The following HDAC4 variants were observed in gnomAD, a reference collection of about 807,000 sequenced individuals.
HDAC4 encodes the protein histone deacetylase 4.
In HDAC4, 16 loss-of-function variants were observed where a neutral mutation model predicts 135.1. The ratio of observed to expected loss-of-function variants is 0.12; its 90% confidence interval spans 0.08 to 0.18. The LOEUF is 0.18. Among genes scored for constraint, HDAC4 ranks in the 10% least tolerant of loss-of-function variants. The probability of loss-of-function intolerance (pLI) is 1.00; values close to 1 mark genes in which losing one functional copy is unlikely to be tolerated. For synonymous variants in HDAC4, 685 were observed against 653.4 expected (o/e 1.05, Z -0.74); for missense variants, 1,143 against 1,511.8 (o/e 0.76, Z 4.05).
intron 8 of HDAC4, chr2:239,140,744 G>A (rs2041306410): frequency 7.0e-6 from 2 of 285,976 alleles, no homozygotes; most frequent in Non-Finnish European, 1.5e-5. Context: ...GCCCTGGAGG[G>A]GAGGTTAAGG....
intron 2 of HDAC4, among the ~76,000 whole-genome samples, chr2:239,256,934 G>A (rs528820373): frequency 5.3e-5 from 8 of 152,312 alleles, no homozygotes; most frequent in East Asian, 1.9e-4. Context: ...AAGAATCCAC[G>A]TGGGATAGCC....
chr2:239,203,994 G>A (rs1486559389), intron 3 of HDAC4, among the ~76,000 whole-genome samples: 3 of 152,164 alleles, frequency 2.0e-5, no homozygotes, highest in Admixed American at 6.5e-5. Context: ...TAGGAGTCCG[G>A]GTCCAATGCA....
intron 3 of HDAC4, among the ~76,000 whole-genome samples, chr2:239,225,117 A>AT (rs2047168181): frequency 6.6e-6 from 1 of 152,212 alleles, no homozygotes; most frequent in South Asian, 2.1e-4. Flanking sequence ...TAAATATTTC[A>AT]TTTTTTCAAA....
chr2:239,373,848 C>G (rs1249027448), intron 1 of HDAC4, among the ~76,000 whole-genome samples: 2 of 152,178 alleles, frequency 1.3e-5, no homozygotes, highest in African/African-American at 4.8e-5. Flanking sequence ...TCTAGAGATC[C>G]GGGGTCAATG....
chr2:239,236,715 A>G, intron 2 of HDAC4, 51 bp from the exon 3 acceptor site: 4 of 1,364,654 alleles, frequency 2.9e-6, no homozygotes, highest in Non-Finnish European at 4.1e-6. Flanking sequence ...ATTTCAGCCA[A>G]CATACTTTAT....
chr2:239,307,596 AG>A lies in HDAC4; in HGVS notation c.22+45081del, dbSNP rs2052665799. 1.3e-5 allele frequency among the ~76,000 whole-genome samples: 2 copies of A among 152,174 alleles called. No individual in the cohort carries two copies. Among genetic ancestry groups the A allele is most frequent in the African/African-American group, 2.4e-5 (1 of 41,440 alleles). ...GCTTCCTGGACCTCGCAGACTCACCAGGGACCCTAAACTTGGTTTTCCAAAT... is the reference window on the plus strand; with the variant it reads ...GCTTCCTGGACCTCGCAGACTCACCAGGACCCTAAACTTGGTTTTCCAAAT... On this transcript the variant is annotated intron_variant, in intron 2 of 26. Coordinates refer to ENST00000543185, the MANE Select transcript of HDAC4 (RefSeq NM_001378414.1). The surrounding 1 kb of genome is among the most constrained non-coding windows in gnomAD (Gnocchi z 4.8).
Position 239,141,067 on chromosome 2 carries a change from A to C in HDAC4, c.866-1271T>G. 3.6e-6 allele frequency: 1 copy of C among 277,100 alleles called. No individual in the cohort carries two copies. Among genetic ancestry groups the C allele is most frequent in the Non-Finnish European group, 8.0e-6 (1 of 125,098 alleles). The allele number at this position is 277,100 out of a possible 1,614,324, so 17.2% of individuals were successfully genotyped here. ...ACTGTTTGAGGAAGGTGCCATTATG[A>C]CCCCGTTTCCCAGAAGAGGAGATGG... On this transcript the variant is annotated intron_variant, in intron 8 of 26. Transcript: ENST00000543185. The surrounding 1 kb of genome is among the most constrained non-coding windows in gnomAD (Gnocchi z 4.9).
At chr2:239,397,776 ATGAGT>A (rs145390241) in intron 1 of HDAC4, among the ~76,000 whole-genome samples, 113 of 152,322 alleles carry the variant, frequency 7.4e-4, no homozygotes, top group African/African-American at 2.7e-3. Context: ...ACGCTTATGA[ATGAGT>A]TAAGGTCTGT....
chr2:239,120,395 G>GCACACAGACACA (rs1553622834), intron 12 of HDAC4, among the ~76,000 whole-genome samples: 2 of 145,198 alleles, frequency 1.4e-5, no homozygotes, highest in Non-Finnish European at 3.0e-5. Context: ...ACACACAGAC[G>GCACACAGACACA]CACACAGACA....
intron 2 of HDAC4, among the ~76,000 whole-genome samples, chr2:239,317,605 G>A (rs183118970): frequency 6.6e-6 from 1 of 152,164 alleles, no homozygotes; most frequent in African/African-American, 2.4e-5. Flanking sequence ...ATAATAAAAG[G>A]TTATAACCCA....
intron 1 of HDAC4, among the ~76,000 whole-genome samples, chr2:239,388,789 C>T (rs1418423420): frequency 1.3e-5 from 2 of 152,236 alleles, no homozygotes; most frequent in Admixed American, 6.5e-5. Flanking sequence ...CAGTCATCAG[C>T]GGAGGGAGTG....
In HDAC4 at chr2:239,349,631, A is replaced by G. The variant is rs1692976401; in HGVS notation, c.22+3047T>C. ...GGGCAAGCCCCATCCCCCGCCTGAG[A>G]CGTGGGCAGAGGCCGCTGGGCCACC... On this transcript the variant is annotated intron_variant, in intron 2 of 26. Coordinates refer to ENST00000543185, the MANE Select transcript of HDAC4 (RefSeq NM_001378414.1). The surrounding 1 kb of genome is among the most constrained non-coding windows in gnomAD (Gnocchi z 5.7). Among the ~76,000 whole-genome samples, 1 of 152,198 alleles carries G rather than the reference A, an allele frequency of 6.6e-6. No homozygotes were observed. Among genetic ancestry groups the G allele is most frequent in the African/African-American group, 2.4e-5 (1 of 41,456 alleles).
intron 3 of HDAC4, among the ~76,000 whole-genome samples, chr2:239,200,254 T>G (rs1239976886): frequency 6.6e-6 from 1 of 152,196 alleles, no homozygotes; most frequent in Admixed American, 6.5e-5. Flanking sequence ...GCGCTGAAGC[T>G]GACATTCAAA....
At chr2:239,148,212 C>T (rs1222488805) in intron 7 of HDAC4, among the ~76,000 whole-genome samples, 1 of 151,964 alleles carries the variant, frequency 6.6e-6, no homozygotes, top group Non-Finnish European at 1.5e-5. Context: ...AAAGTGACAC[C>T]AAAGGAAATA....
intron 24 of HDAC4, among the ~76,000 whole-genome samples, chr2:239,063,109 C>CGGGGTCACGCACCCA (rs2032998702): frequency 6.6e-6 from 1 of 152,182 alleles, no homozygotes; most frequent in Admixed American, 6.5e-5. Flanking sequence ...TCTGCTGTCC[C>CGGGGTCACGCACCCA]GGGGTCACGC....
intron 2 of HDAC4, among the ~76,000 whole-genome samples, chr2:239,325,541 T>G (rs2053444065): frequency 6.6e-6 from 1 of 152,224 alleles, no homozygotes; most frequent in Admixed American, 6.5e-5. Flanking sequence ...CTCACTAGGA[T>G]GACTATTATT....
At chr2:239,360,247 G>C (rs573114156) in intron 1 of HDAC4, among the ~76,000 whole-genome samples, 1 of 152,140 alleles carries the variant, frequency 6.6e-6, no homozygotes, top group Non-Finnish European at 1.5e-5. Flanking sequence ...GTCATTCCTC[G>C]AAGGAAAACT....
At chr2:239,310,894 T>C (rs2052843876) in intron 2 of HDAC4, among the ~76,000 whole-genome samples, 1 of 152,178 alleles carries the variant, frequency 6.6e-6, no homozygotes, top group Non-Finnish European at 1.5e-5. Context: ...GTTAGCCACG[T>C]CCAACACCAC....
rs758378464 is a variant in HDAC4 at position 239,134,516 on chromosome 2, G to C, written c.1095+11C>G. On this transcript the variant is annotated intron_variant, in intron 10 of 26. Transcript: ENST00000543185. Reference sequence around the variant, plus strand: ...ACCCCACACCACACGGACCCACGGGGGCTGACTTACCGCAGAGGGGCCGGT... The same window carrying C: ...ACCCCACACCACACGGACCCACGGGCGCTGACTTACCGCAGAGGGGCCGGT... The C allele has an allele frequency of 3.3e-5, 54 of 1,613,640 alleles. No homozygotes were observed. The highest frequency in any genetic ancestry group is 3.9e-5 in the Non-Finnish European group (46 of 1,179,734).
Sources: gnomAD v4.1 joint callset for allele counts (sites outside exome capture counted in the v4.1 genomes callset) on GRCh38, gnomAD v4.1.1 for gene constraint, Gnocchi (gnomAD v3.1) non-coding constraint, MANE v1.5 for transcripts, NCBI Gene and HGNC (gene_info 2026-07-23, HGNC 2026-07-21) for gene names.